PREPL: variants seen among roughly 807,000 people sequenced by gnomAD.
The protein encoded by PREPL is prolyl endopeptidase-like.
In PREPL, 77 loss-of-function variants were observed where a neutral mutation model predicts 70.6. The ratio of observed to expected loss-of-function variants is 1.09; its 90% CI spans 0.91 to 1.32. The LOEUF (loss-of-function observed/expected upper bound fraction) is 1.32, where lower values mean the gene tolerates loss of function less well. Ranked by LOEUF, PREPL falls within the 40% of genes most tolerant of loss-of-function variation. The pLI is 0.00. For missense variants in PREPL, 1,002 were observed against 778.2 expected (o/e 1.29, Z -3.42); for synonymous variants, 315 against 264.8 (o/e 1.19, Z -1.84).
chr2:44,360,599 T>A (rs1217737337), intron 1 of PREPL: 1 of 152,244 alleles, frequency 6.6e-6, no homozygotes, highest in Non-Finnish European at 1.5e-5. Flanking sequence ...TGCTAATAAG[T>A]AGTTAAGAGT....
At chr2:44,326,514 T>C (rs1452943490) in intron 10 of PREPL, among the ~76,000 whole-genome samples, 198 bp downstream of exon 10, 1 of 151,706 alleles carries the variant, frequency 6.6e-6, no homozygotes, top group Non-Finnish European at 1.5e-5. Flanking sequence ...TTTTTTTAAT[T>C]TCTTGCAGAG....
chr2:44,331,132 G>A (rs550693482), intron 8 of PREPL, among the ~76,000 whole-genome samples: 2 of 152,216 alleles, frequency 1.3e-5, no homozygotes, highest in East Asian at 1.9e-4. Context: ...TTGTAGAGAT[G>A]AGGTCTCACT....
chr2:44,359,731 G>A, intron 1 of PREPL: 2 of 1,549,674 alleles, frequency 1.3e-6, no homozygotes, highest in Non-Finnish European at 1.8e-6. Flanking sequence ...CAAAGTCCCT[G>A]GTTTATGCTC....
chr2:44,328,835 G>C (rs142788172), intron 9 of PREPL, 102 bp downstream of exon 9: 3 of 1,200,418 alleles, frequency 2.5e-6, no homozygotes. Context: ...TGAATAATAA[G>C]AATGAAAAAA....
At chr2:44,341,864 A>G (rs774834588) in intron 5 of PREPL, among the ~76,000 whole-genome samples, 25 of 152,118 alleles carry the variant, frequency 1.6e-4, no homozygotes, top group South Asian at 6.2e-4. Context: ...ACCTAGCACA[A>G]TAATACATTT....
At chr2:44,357,635 G>A (rs1677190048) in intron 1 of PREPL, among the ~76,000 whole-genome samples, 1 of 152,200 alleles carries the variant, frequency 6.6e-6, no homozygotes, top group African/African-American at 2.4e-5. Context: ...GGAACAAATG[G>A]AGGGAAGAAA....
Position 44,317,917 on chromosome 2 carries a change from C to G in PREPL, c.*3439G>C, listed in dbSNP as rs879940372. 2.1e-5 allele frequency: 5 copies of G among 241,380 alleles called. No individual in the cohort carries two copies. The highest frequency in any genetic ancestry group is 9.5e-5 in the African/African-American group (4 of 42,084). The allele number at this position is 241,380 out of a possible 1,614,324, so 15.0% of individuals were successfully genotyped here. A position where few individuals can be genotyped will look rare whatever the true frequency, so the allele number is the denominator to read the frequency against. ...ATAACAAAAACAGACATAAGAAACA[C>G]TAACATAAAACACAAAGAATTAAAA... On this transcript the variant is annotated 3_prime_UTR_variant, in exon 14 of 14. Coordinates refer to ENST00000409411, the MANE Select transcript of PREPL (RefSeq NM_001171613.2).
intron 8 of PREPL, 111 bp downstream of exon 8, chr2:44,332,348 A>G: frequency 1.0e-6 from 1 of 956,106 alleles, no homozygotes; most frequent in South Asian, 1.7e-5. Context: ...CTGTGGTCTA[A>G]GAAATCTACA....
chr2:44,358,868 T>C (rs1677341172), intron 1 of PREPL, among the ~76,000 whole-genome samples: 1 of 152,190 alleles, frequency 6.6e-6, no homozygotes, highest in Non-Finnish European at 1.5e-5. Flanking sequence ...TGAAGTTTAC[T>C]GATTTGTGAT....
Position 44,323,315 on chromosome 2 carries a change from T to C in PREPL, c.1576A>G (p.Lys526Glu). 1 of 1,608,302 alleles carries C rather than the reference T, an allele frequency of 6.2e-7. No homozygotes were observed. Among genetic ancestry groups the C allele is most frequent in the Non-Finnish European group, 8.5e-7 (1 of 1,175,156 alleles). ...EEWGNPSSDE[K>E]HKNYIKRYCP... ...TAACGTTTTATGTAGTTCTTGTGTT[T>C]TTCATCAGATGAAGGATTCCCCCAT... Residue 526 changes from lysine to glutamate, a missense_variant, in exon 11 of 14, where the codon AAA becomes GAA. Physicochemically the swap from Lys to Glu is moderately conservative, Grantham distance 56. Coordinates refer to ENST00000409411, the MANE Select transcript of PREPL (RefSeq NM_001171613.2).
intron 3 of PREPL, 74 bp downstream of exon 3, chr2:44,344,446 G>C: frequency 9.0e-7 from 1 of 1,114,436 alleles, no homozygotes; most frequent in Non-Finnish European, 1.3e-6. Context: ...CTATCTTTGA[G>C]AAATTAATAA....
intron 1 of PREPL, among the ~76,000 whole-genome samples, chr2:44,348,191 A>C (rs1170424406): frequency 6.6e-6 from 1 of 152,130 alleles, no homozygotes; most frequent in African/African-American, 2.4e-5. Context: ...TCCTCATTCC[A>C]TACAGTTAAT....
intron 1 of PREPL, chr2:44,356,481 G>C (rs1677058791): frequency 6.6e-6 from 1 of 152,422 alleles, no homozygotes; most frequent in African/African-American, 2.4e-5. Context: ...GGAGGTGGAG[G>C]TTGCAGTGAG....
At chr2:44,361,107 T>C (rs1677729242) in intron 1 of PREPL, among the ~76,000 whole-genome samples, 1 of 152,190 alleles carries the variant, frequency 6.6e-6, no homozygotes, top group African/African-American at 2.4e-5. Context: ...CCTTTATCCA[T>C]CCATCTTTCA....
intron 7 of PREPL, among the ~76,000 whole-genome samples, chr2:44,335,114 A>C (rs1674506680): frequency 6.6e-6 from 1 of 152,208 alleles, no homozygotes; most frequent in South Asian, 2.1e-4. Context: ...GATGACTAGA[A>C]CATTATAAAA....
At chr2:44,340,103 T>C (rs1572886039) in intron 5 of PREPL, among the ~76,000 whole-genome samples, 1 of 152,188 alleles carries the variant, frequency 6.6e-6, no homozygotes, top group East Asian at 1.9e-4. Flanking sequence ...CCTACATGAG[T>C]TGAAAGTCTT....
At chr2:44,331,600 C>T (rs1674098513) in intron 8 of PREPL, among the ~76,000 whole-genome samples, 1 of 152,146 alleles carries the variant, frequency 6.6e-6, no homozygotes, top group Non-Finnish European at 1.5e-5. Flanking sequence ...TACTCTTAAT[C>T]ATCCTAGTGG....
At chr2:44,354,470 C>T (rs1464625740) in intron 1 of PREPL, among the ~76,000 whole-genome samples, 1 of 152,116 alleles carries the variant, frequency 6.6e-6, no homozygotes, top group Non-Finnish European at 1.5e-5. Flanking sequence ...CCTATGGCTT[C>T]AACTACTATC....
Position 44,317,663 on chromosome 2 carries a change from GAATT to G in PREPL, c.*3689_*3692del, listed in dbSNP as rs937041485. ...TTAGGACATAAAAATAATTTTCAAA[GAATT>G]ATTTTCAAAGAACACTAGACATAAA... On this transcript the variant is annotated 3_prime_UTR_variant, in exon 14 of 14. Transcript: ENST00000409411. The G allele has an allele frequency of 6.6e-6, 1 of 151,772 alleles. No individual in the cohort carries two copies. Among genetic ancestry groups the G allele is most frequent in the African/African-American group, 2.4e-5 (1 of 41,204 alleles). 9.4% of individuals were successfully genotyped at this position (151,772 alleles called of 1,614,324 possible).
Sources: gnomAD v4.1 joint callset for allele counts (sites outside exome capture counted in the v4.1 genomes callset) on GRCh38, gnomAD v4.1.1 for gene constraint, MANE v1.5 for transcripts, NCBI Gene and HGNC (gene_info 2026-07-23, HGNC 2026-07-21) for gene names.